The following ERC2 variants were observed in gnomAD, a reference collection of about 807,000 sequenced individuals.
The protein encoded by ERC2 is ERC protein 2.
ERC2 carries 42 observed loss-of-function variants against 114.8 expected under a neutral mutation model. That is an observed-to-expected ratio of 0.37 (90% CI 0.29 to 0.47). ERC2 has a LOEUF of 0.47. ERC2 is among the 20% of genes least tolerant of loss of function. The pLI, the probability that ERC2 is intolerant of heterozygous loss-of-function variation, is 0.99. For missense variants in ERC2, 939 were observed against 1,150.7 expected (o/e 0.82, Z 2.66); for synonymous variants, 454 against 425.5 (o/e 1.07, Z -0.82).
chr3:55,801,032 C>T (rs1407395747), intron 14 of ERC2, among the ~76,000 whole-genome samples: 1 of 152,200 alleles, frequency 6.6e-6, no homozygotes, highest in African/African-American at 2.4e-5. Flanking sequence ...TGCTGTAGCA[C>T]TAGGTTCTTG....
At chr3:55,902,805 C>G (rs181631064) in intron 13 of ERC2, among the ~76,000 whole-genome samples, 43 of 152,306 alleles carry the variant, frequency 2.8e-4, no homozygotes, top group Admixed American at 1.3e-3. Context: ...TCACCTGGCT[C>G]CACACCAGAG....
intron 14 of ERC2, among the ~76,000 whole-genome samples, chr3:55,800,964 G>A (rs927282721): frequency 6.6e-6 from 1 of 152,094 alleles, no homozygotes; most frequent in Non-Finnish European, 1.5e-5. Context: ...CTTCTTCAAG[G>A]GTCTGAAAAC....
chr3:55,595,189 T>G (rs189972038), intron 17 of ERC2, among the ~76,000 whole-genome samples: 1 of 152,246 alleles, frequency 6.6e-6, no homozygotes, highest in African/African-American at 2.4e-5. Context: ...TGTTCCCTAC[T>G]AATATACACA....
intron 15 of ERC2, among the ~76,000 whole-genome samples, chr3:55,722,471 C>T (rs1305833325): frequency 6.6e-6 from 1 of 152,124 alleles, no homozygotes; most frequent in East Asian, 1.9e-4. Flanking sequence ...TGTGGAACAC[C>T]CTATTCAAAA....
intron 3 of ERC2, among the ~76,000 whole-genome samples, chr3:56,263,912 C>T (rs1201128462): frequency 1.3e-5 from 2 of 152,178 alleles, no homozygotes; most frequent in Non-Finnish European, 2.9e-5. Flanking sequence ...CTCAATAAAA[C>T]ATGAGCATCC....
intron 3 of ERC2, among the ~76,000 whole-genome samples, chr3:56,277,297 T>C (rs2054067946): frequency 6.6e-6 from 1 of 152,146 alleles, no homozygotes; most frequent in South Asian, 2.1e-4. Flanking sequence ...CAGACCCTCC[T>C]CACTTGCAGG....
chr3:55,987,044 A>G (rs1209133037), intron 11 of ERC2, among the ~76,000 whole-genome samples: 1 of 152,208 alleles, frequency 6.6e-6, no homozygotes, highest in Non-Finnish European at 1.5e-5. Flanking sequence ...CTCAGGATAA[A>G]GCTTAAGCTA....
At chr3:56,172,727 T>C (rs2082741368) in intron 4 of ERC2, among the ~76,000 whole-genome samples, 1 of 152,186 alleles carries the variant, frequency 6.6e-6, no homozygotes, top group African/African-American at 2.4e-5. Flanking sequence ...AAACTGTAAA[T>C]AAAAAGATTT....
At chr3:55,521,608 G>A (rs2052943244) in intron 17 of ERC2, among the ~76,000 whole-genome samples, 1 of 152,218 alleles carries the variant, frequency 6.6e-6, no homozygotes, top group Non-Finnish European at 1.5e-5. Context: ...AAAAGAAGGG[G>A]GTAGGCAGAG....
At chr3:55,961,174 C>T (rs927075321) in intron 12 of ERC2, among the ~76,000 whole-genome samples, 12 of 152,166 alleles carry the variant, frequency 7.9e-5, no homozygotes, top group Admixed American at 7.2e-4. Flanking sequence ...AGATCTAACT[C>T]CTACTGTGCA....
chr3:56,300,816 CT>C (rs1216190764), intron 2 of ERC2, among the ~76,000 whole-genome samples: 3 of 152,228 alleles, frequency 2.0e-5, no homozygotes, highest in Non-Finnish European at 4.4e-5. Flanking sequence ...CCCAATGCCC[CT>C]GTTCAAACCA....
Position 55,697,686 on chromosome 3 carries a change from C to G in ERC2, c.2847+1692G>C, listed in dbSNP as rs530469069. On this transcript the variant is annotated intron_variant, in intron 16 of 17. Coordinates refer to ENST00000288221, the MANE Select transcript of ERC2 (RefSeq NM_015576.3). ...AGCTGGTTTGTTATCTCAGCAGGTC[C>G]CTGGATGACCTACTCCCCTGACTTG... Among the ~76,000 whole-genome samples the G allele has an allele frequency of 2.0e-5, 3 of 152,068 alleles. No individual in the cohort carries two copies. The South Asian group carries it at 6.3e-4, about 32-fold the overall frequency.
At chr3:56,158,807 TG>T (rs1167444348) in intron 4 of ERC2, among the ~76,000 whole-genome samples, 1 of 117,182 alleles carries the variant, frequency 8.5e-6, no homozygotes, top group African/African-American at 2.9e-5. Context: ...TTAACAAACT[TG>T]TTTTTTTTCA....
intron 6 of ERC2, among the ~76,000 whole-genome samples, chr3:56,136,398 TC>T (rs1481424500): frequency 6.6e-6 from 1 of 152,094 alleles, no homozygotes; most frequent in Non-Finnish European, 1.5e-5. Flanking sequence ...ACATGTAACC[TC>T]CTTTGAGGAT....
chr3:56,271,605 T>C (rs1002028626), intron 3 of ERC2, among the ~76,000 whole-genome samples: 1 of 152,206 alleles, frequency 6.6e-6, no homozygotes, highest in Admixed American at 6.5e-5. Context: ...CCATCATCAT[T>C]ATTTTTTAAC....
At chr3:56,299,349 C>T (rs1383995441) in intron 2 of ERC2, among the ~76,000 whole-genome samples, 2 of 151,162 alleles carry the variant, frequency 1.3e-5, no homozygotes, top group African/African-American at 2.4e-5. Flanking sequence ...AGGATGGTCT[C>T]GATCTCCTGA....
At chr3:56,311,571 T>C (rs2056582179) in intron 2 of ERC2, among the ~76,000 whole-genome samples, 1 of 151,840 alleles carries the variant, frequency 6.6e-6, no homozygotes, top group African/African-American at 2.4e-5. Flanking sequence ...AGTGATGGGA[T>C]TACAGGCTTG....
chr3:55,971,121 A>T (rs1298934511), intron 12 of ERC2, among the ~76,000 whole-genome samples: 1 of 152,156 alleles, frequency 6.6e-6, no homozygotes, highest in African/African-American at 2.4e-5. Context: ...ATTAAATAAA[A>T]GGTCTCAAAT....
Position 56,149,166 on chromosome 3 carries a change from A to G in ERC2, c.1150-34T>C, listed in dbSNP as rs370852384. ...AAAGAAGAAAAGAAAAAGAAAAATA[A>G]AGAATAAAAATTATTTTTAAGATCA... On this transcript the variant is annotated intron_variant, in intron 4 of 17. Coordinates refer to ENST00000288221, the MANE Select transcript of ERC2 (RefSeq NM_015576.3). 18 of 1,517,792 alleles carry G rather than the reference A, an allele frequency of 1.2e-5. No homozygotes were observed. The African/African-American group carries it at 2.4e-4, about 20-fold the overall frequency. The allele number at this position is 1,517,792 out of a possible 1,614,324, so 94.0% of individuals were successfully genotyped here. A position where few individuals can be genotyped will look rare whatever the true frequency, so the allele number is the denominator to read the frequency against.
Sources: allele counts gnomAD v4.1 joint callset (sites outside exome capture counted in the v4.1 genomes callset), GRCh38; gene constraint gnomAD v4.1.1; transcripts MANE v1.5; gene names NCBI Gene and HGNC (gene_info 2026-07-23, HGNC 2026-07-21).